Variants in SUMF1 observed in about 807,000 individuals in gnomAD.
The protein encoded by SUMF1 is sulfatase modifying factor 1.
SUMF1 carries 48 observed loss-of-function variants against 47.6 expected under a neutral mutation model. The observed-to-expected ratio is 1.01, with a 90% CI of 0.80 to 1.28. The LOEUF (loss-of-function observed/expected upper bound fraction) is 1.28, where lower values mean the gene tolerates loss of function less well. Ranked by LOEUF, SUMF1 falls within the 50% of genes most tolerant of loss-of-function variation. The probability of loss-of-function intolerance (pLI) is 0.00; values close to 1 mark genes in which losing one functional copy is unlikely to be tolerated. For synonymous variants in SUMF1, 230 were observed against 192.1 expected (o/e 1.20, Z -1.63); for missense variants, 571 against 485.4 (o/e 1.18, Z -1.66).
rs574042598 is a variant in SUMF1 at position 4,133,641 on chromosome 3, A to G, written c.1015-64896T>C. 8.5e-5 allele frequency among the ~76,000 whole-genome samples: 13 copies of G among 152,082 alleles called. No individual in the cohort carries two copies. In the South Asian group the frequency reaches 2.7e-3, roughly 32 times the overall value. On this transcript the variant is annotated intron_variant and NMD_transcript_variant, in intron 8 of 12. Transcript: ENST00000448413. ...AAAAGAGAGACTGGCCTAGCCTTTC[A>G]CCCTACATCTTTCTCCCGTGCTGGA...
intron 8 of SUMF1, among the ~76,000 whole-genome samples, chr3:4,239,126 T>C (rs866654166): frequency 1.1e-4 from 16 of 152,174 alleles, no homozygotes; most frequent in Middle Eastern, 3.2e-3. Flanking sequence ...TCTGTTCCAT[T>C]GGTCTATATA....
chr3:4,082,070 T>A (rs1201910090), intron 8 of SUMF1, among the ~76,000 whole-genome samples: 1 of 152,156 alleles, frequency 6.6e-6, no homozygotes, highest in African/African-American at 2.4e-5. Flanking sequence ...TAGATATTGA[T>A]CAAGCACATA....
At chr3:4,259,073 T>C (rs937232525) in intron 8 of SUMF1, among the ~76,000 whole-genome samples, 8 of 138,800 alleles carry the variant, frequency 5.8e-5, no homozygotes, top group African/African-American at 2.1e-4. Context: ...TGAGATCACA[T>C]GGACCCAGGA....
chr3:4,335,972 A>AAAAAAAAAAC (rs1699144264), intron 8 of SUMF1, among the ~76,000 whole-genome samples: 1 of 149,756 alleles, frequency 6.7e-6, no homozygotes, highest in Non-Finnish European at 1.5e-5. Flanking sequence ...AAAAAAAAAA[A>AAAAAAAAAAC]AAAAAAAACA....
intron 8 of SUMF1, among the ~76,000 whole-genome samples, chr3:4,207,207 CT>C (rs1226138431): frequency 6.6e-6 from 1 of 151,916 alleles, no homozygotes; most frequent in Non-Finnish European, 1.5e-5. Context: ...ACCTTATGAC[CT>C]TGTTAAACTT....
chr3:4,077,867 T>C (rs537529752), intron 8 of SUMF1, among the ~76,000 whole-genome samples: 5 of 152,186 alleles, frequency 3.3e-5, no homozygotes, highest in Admixed American at 3.3e-4. Flanking sequence ...ATAATTTAAA[T>C]TTAAATTTTT....
intron 8 of SUMF1, among the ~76,000 whole-genome samples, chr3:4,112,446 G>A (rs2648487): frequency 1.3e-5 from 2 of 151,926 alleles, no homozygotes; most frequent in African/African-American, 4.8e-5. Flanking sequence ...ATGGTGAGAA[G>A]AAATTGTAAA....
intron 8 of SUMF1, among the ~76,000 whole-genome samples, chr3:4,157,830 C>T (rs981966827): frequency 1.3e-5 from 2 of 151,292 alleles, no homozygotes; most frequent in African/African-American, 2.5e-5. Context: ...CTACTTCTAC[C>T]CTGTCACCGA....
At chr3:4,242,704 T>C (rs959109814) in intron 8 of SUMF1, among the ~76,000 whole-genome samples, 2 of 152,208 alleles carry the variant, frequency 1.3e-5, no homozygotes. Context: ...TTTGCATCGA[T>C]GTTCATCAGG....
intron 8 of SUMF1, among the ~76,000 whole-genome samples, chr3:4,245,569 C>T (rs953203875): frequency 6.6e-6 from 1 of 152,172 alleles, no homozygotes; most frequent in Non-Finnish European, 1.5e-5. Context: ...CCAGCAGAGG[C>T]TGCAGAACAG....
intron 8 of SUMF1, among the ~76,000 whole-genome samples, chr3:4,234,824 A>T (rs1420084824): frequency 6.6e-6 from 1 of 152,182 alleles, no homozygotes; most frequent in Non-Finnish European, 1.5e-5. Flanking sequence ...TTCCAGAAGC[A>T]AAAGAGAGCA....
chr3:4,286,311 A>C (rs56352714), intron 8 of SUMF1, among the ~76,000 whole-genome samples: 1 of 152,114 alleles, frequency 6.6e-6, no homozygotes, highest in Non-Finnish European at 1.5e-5. Flanking sequence ...TGTTATAAAC[A>C]TGAGTTTTCT....
chr3:4,394,624 A>G (rs1700982294), intron 7 of SUMF1, among the ~76,000 whole-genome samples: 1 of 152,140 alleles, frequency 6.6e-6, no homozygotes, highest in Non-Finnish European at 1.5e-5. Flanking sequence ...TCTTCCCTTT[A>G]TGTTTCTCGT....
intron 8 of SUMF1, among the ~76,000 whole-genome samples, chr3:4,237,354 A>G (rs548554320): frequency 6.6e-6 from 1 of 152,056 alleles, no homozygotes; most frequent in Non-Finnish European, 1.5e-5. Flanking sequence ...TCATTTTTTT[A>G]AATTTGCAAT....
intron 8 of SUMF1, among the ~76,000 whole-genome samples, chr3:4,242,591 G>T (rs1189852700): frequency 2.0e-5 from 3 of 152,196 alleles, no homozygotes; most frequent in African/African-American, 7.2e-5. Context: ...ATTTATATAT[G>T]TTGAACCAGC....
intron 8 of SUMF1, among the ~76,000 whole-genome samples, chr3:4,100,920 CA>C (rs1414828364): frequency 6.6e-6 from 1 of 151,982 alleles, no homozygotes; most frequent in Non-Finnish European, 1.5e-5. Context: ...TATCTCTAAT[CA>C]TCAGAGAAAT....
At chr3:4,357,191 A>G (rs1209307307), downstream of SUMF1, among the ~76,000 whole-genome samples, 1 of 152,170 alleles carries the variant, frequency 6.6e-6, no homozygotes, top group East Asian at 1.9e-4. Flanking sequence ...AGGGAGACAG[A>G]TATGCTAAAT....
chr3:4,366,083 T>A (rs1220965690), intron 8 of SUMF1, among the ~76,000 whole-genome samples: 1 of 151,812 alleles, frequency 6.6e-6, no homozygotes, highest in Admixed American at 6.6e-5. Context: ...TGCCGAGAGA[T>A]CCGCTGTTAG....
At chr3:4,152,570 G>A (rs140071020) in intron 8 of SUMF1, among the ~76,000 whole-genome samples, 1,826 of 151,446 alleles carry the variant, frequency 0.012, 126 homozygotes, top group African/African-American at 0.042. Context: ...TGGGATTACA[G>A]GCATGAGCCA....
Sources: allele counts gnomAD v4.1 joint callset (sites outside exome capture counted in the v4.1 genomes callset), GRCh38; gene constraint gnomAD v4.1.1; transcripts MANE v1.5; gene names NCBI Gene and HGNC (gene_info 2026-07-23, HGNC 2026-07-21).